Variants in DPM1 observed in about 807,000 individuals in gnomAD.
DPM1 encodes the protein dolichyl-phosphate mannosyltransferase subunit 1, catalytic, also known as dolichol-phosphate mannosyltransferase subunit 1.
A neutral mutation model predicts 39.0 loss-of-function variants in DPM1; 27 were observed. That is an observed-to-expected ratio of 0.69 (90% CI 0.51 to 0.95). DPM1 has a LOEUF of 0.95. Ranked by LOEUF, DPM1 falls within the 40% of genes least tolerant of loss-of-function variation. The pLI is 0.00. For missense variants in DPM1, 307 were observed against 315.6 expected, an observed-to-expected ratio of 0.97 and a Z score of 0.21; for synonymous variants, 124 against 109.0, an observed-to-expected ratio of 1.14 and a Z score of -0.86.
In DPM1 at chr20:50,958,498, C is replaced by G. The variant is rs770669075; in HGVS notation, c.26G>C (p.Ser9Thr). 3 of 1,613,806 alleles carry G rather than the reference C, an allele frequency of 1.9e-6. No homozygotes were observed. Among genetic ancestry groups the G allele is most frequent in the Non-Finnish European group, 2.5e-6 (3 of 1,179,998 alleles). The change falls in exon 1 of 9, where the codon AGT (serine) becomes ACT (threonine). Residue 9 changes from serine (S) to threonine (T), a missense_variant. By Grantham distance (58) the Ser-to-Thr change is moderately conservative. Around this residue, in one of 3 missense-constraint regions of DPM1, gnomAD observed 206 missense variants for 188.2 expected, o/e 1.09. Coordinates refer to ENST00000371588, the MANE Select transcript of DPM1 (RefSeq NM_003859.3). ...CAGCTCCCGCCGAGACCTGCGAGGACTACGACTGACTTCCAAGGAGGCCAT... is the reference window on the plus strand; with the variant it reads ...CAGCTCCCGCCGAGACCTGCGAGGAGTACGACTGACTTCCAAGGAGGCCAT... MASLEVSR[S>T]PRRSRRELEV...
chr20:50,951,573 G>A (rs1241617136), intron 2 of DPM1, among the ~76,000 whole-genome samples: 1 of 152,206 alleles, frequency 6.6e-6, no homozygotes, highest in Non-Finnish European at 1.5e-5. Flanking sequence ...CAGATCACCT[G>A]AGGTTAGGAG....
At chr20:50,951,409 T>G (rs532390004) in intron 2 of DPM1, among the ~76,000 whole-genome samples, 28 of 152,338 alleles carry the variant, frequency 1.8e-4, no homozygotes, top group Non-Finnish European at 3.2e-4. Context: ...GTTCTGCAAA[T>G]GCACATACAC....
chr20:50,941,230 ATAT>A, intron 6 of DPM1: 3 of 63,852 alleles, frequency 4.7e-5, no homozygotes, highest in East Asian at 2.9e-4. Context: ...AAAAGTGAAT[ATAT>A]ATATATATAT....
At chr20:50,944,616 A>AT (rs1986147208) in intron 5 of DPM1, 1 of 152,196 alleles carries the variant, frequency 6.6e-6, no homozygotes, top group African/African-American at 2.4e-5. Context: ...AGGAACTTGG[A>AT]TTTTTCCCTA....
intron 6 of DPM1, 81 bp from the exon 7 acceptor site, chr20:50,941,014 T>C: frequency 8.0e-7 from 1 of 1,255,478 alleles, no homozygotes; most frequent in Non-Finnish European, 1.2e-6. Flanking sequence ...AGTGTTAAAA[T>C]GCTATACTAA....
chr20:50,957,751 C>A lies in DPM1; in HGVS notation c.161+612G>T, dbSNP rs147370577. Among the ~76,000 whole-genome samples, 11 of 152,334 alleles carry A rather than the reference C, an allele frequency of 7.2e-5. No homozygotes were observed. The East Asian group carries it at 2.1e-3, about 29-fold the overall frequency. ...CAATCGTAAAACAAGTTACTTCGTA[C>A]TGACTCCAGGATTTTTTGCAGTTTT... is the stretch of plus-strand genomic sequence containing the variant. On this transcript the variant is annotated intron_variant, in intron 1 of 8. Coordinates refer to ENST00000371588, the MANE Select transcript of DPM1 (RefSeq NM_003859.3).
At chr20:50,941,390 A>ATATATTCATATTATATATATTCATATG (rs1255989106) in intron 6 of DPM1, among the ~76,000 whole-genome samples, 2 of 145,990 alleles carry the variant, frequency 1.4e-5, no homozygotes, top group African/African-American at 5.0e-5. Flanking sequence ...ATATTCATAT[A>ATATATTCATATTATATATATTCATATG]TATATTCATA....
At chr20:50,935,977 T>C (rs966055636) in intron 8 of DPM1, among the ~76,000 whole-genome samples, 171 bp downstream of exon 8, 3 of 152,238 alleles carry the variant, frequency 2.0e-5, no homozygotes, top group Non-Finnish European at 2.9e-5. Flanking sequence ...TAAATCTTAC[T>C]GTTCAAATGT....
At chr20:50,950,230 T>A (rs1432285575) in intron 2 of DPM1, among the ~76,000 whole-genome samples, 1 of 152,188 alleles carries the variant, frequency 6.6e-6, no homozygotes, top group Non-Finnish European at 1.5e-5. Flanking sequence ...TAAAAAGAAA[T>A]CCTCTACACT....
intron 6 of DPM1, 21 bp downstream of exon 6, chr20:50,942,010 A>ACACAT (rs1238180169): frequency 1.9e-6 from 3 of 1,576,260 alleles, no homozygotes; most frequent in African/African-American, 1.3e-5. Context: ...CTAATAAAGA[A>ACACAT]GTTGTAACAC....
intron 7 of DPM1, among the ~76,000 whole-genome samples, chr20:50,939,090 C>CCAGAACTCCCAGGCCAT (rs1350521679): frequency 1.3e-5 from 2 of 152,292 alleles, no homozygotes; most frequent in Non-Finnish European, 1.5e-5. Context: ...ACATGAAAAT[C>CCAGAACTCCCAGGCCAT]CAGAACTCCC....
chr20:50,948,845 A>G (rs1319159630), intron 2 of DPM1, among the ~76,000 whole-genome samples, 183 bp from the exon 3 acceptor site: 1 of 152,200 alleles, frequency 6.6e-6, no homozygotes, highest in African/African-American at 2.4e-5. Context: ...GTAACAAACC[A>G]AATAGTTTAA....
At chr20:50,958,115 G>A (rs1028965772) in intron 1 of DPM1, among the ~76,000 whole-genome samples, 4 of 152,182 alleles carry the variant, frequency 2.6e-5, no homozygotes, top group African/African-American at 7.2e-5. Flanking sequence ...GGCGGGGGAC[G>A]GGAGTACTAC....
chr20:50,935,101 A>G lies in DPM1; in HGVS notation c.*31T>C. On this transcript the variant is annotated 3_prime_UTR_variant, in exon 9 of 9. Coordinates refer to ENST00000371588, the MANE Select transcript of DPM1 (RefSeq NM_003859.3). Reference sequence around the variant, plus strand: ...AGGCTTCTTTCATGTTTAACCTGAAATGAACGTAACTATAAATGAGTATCT... The same window carrying G: ...AGGCTTCTTTCATGTTTAACCTGAAGTGAACGTAACTATAAATGAGTATCT... 1.6e-6 allele frequency: 2 copies of G among 1,264,530 alleles called. No individual in the cohort carries two copies. Among genetic ancestry groups the G allele is most frequent in the South Asian group, 1.2e-5 (1 of 83,062 alleles). The allele number at this position is 1,264,530 out of a possible 1,614,324, so 78.3% of individuals were successfully genotyped here. A position where few individuals can be genotyped will look rare whatever the true frequency, so the allele number is the denominator to read the frequency against.
intron 7 of DPM1, 71 bp from the exon 8 acceptor site, chr20:50,936,333 G>C (rs1985155875): frequency 2.0e-6 from 2 of 1,003,010 alleles, no homozygotes; most frequent in African/African-American, 3.2e-5. Flanking sequence ...ACCTTTCAAA[G>C]AGTTCACTGG....
At chr20:50,958,003 C>T (rs1986922749) in intron 1 of DPM1, among the ~76,000 whole-genome samples, 1 of 152,234 alleles carries the variant, frequency 6.6e-6, no homozygotes, top group Non-Finnish European at 1.5e-5. Flanking sequence ...CTCGCTTGGA[C>T]TCCCGGCTCT....
At chr20:50,954,542 C>T (rs1262008180) in intron 2 of DPM1, among the ~76,000 whole-genome samples, 2 of 152,232 alleles carry the variant, frequency 1.3e-5, no homozygotes, top group East Asian at 1.9e-4. Flanking sequence ...TAAATACAAA[C>T]CGGTAACCAA....
Position 50,955,281 on chromosome 20 carries a change from T to G in DPM1, c.166A>C (p.Ile56Leu). Residue 56 changes from isoleucine (I) to leucine (L), a missense_variant, in exon 2 of 9, where the codon ATC becomes CTC. Ile to Leu is a conservative substitution (Grantham distance 5). Coordinates refer to ENST00000371588, the MANE Select transcript of DPM1 (RefSeq NM_003859.3). ...LLVKSFSESG[I>L]NYEIIIIDDG... ...TCTATGATTATAATTTCATAGTTGA[T>G]TCCACTAAAAAAATTAAATTTGTAT... 1 of 1,610,308 alleles carries G rather than the reference T, an allele frequency of 6.2e-7. No homozygotes were observed. Among genetic ancestry groups the G allele is most frequent in the Non-Finnish European group, 8.5e-7 (1 of 1,177,574 alleles).
chr20:50,941,423 T>A (rs564556875), intron 6 of DPM1, among the ~76,000 whole-genome samples: 1 of 147,080 alleles, frequency 6.8e-6, no homozygotes, highest in African/African-American at 2.5e-5. Context: ...ATTCATATTA[T>A]ATATATTAGC....
Sources: allele counts gnomAD v4.1 joint callset (sites outside exome capture counted in the v4.1 genomes callset), GRCh38; gene constraint gnomAD v4.1.1; regional missense constraint gnomAD v4.1.1; transcripts MANE v1.5; gene names NCBI Gene and HGNC (gene_info 2026-07-23, HGNC 2026-07-21).